Variants in POLM observed in about 807,000 individuals in gnomAD.
POLM encodes DNA polymerase mu, also known as DNA-directed DNA/RNA polymerase mu.
In POLM, 52 loss-of-function variants were observed where a neutral mutation model predicts 56.7. The ratio of observed to expected loss-of-function variants is 0.92; its 90% confidence interval spans 0.73 to 1.15. The LOEUF (loss-of-function observed/expected upper bound fraction) is 1.15. POLM is among the 50% of genes most tolerant of loss of function. The pLI, the probability that POLM is intolerant of heterozygous loss-of-function variation, is 0.00. For synonymous variants in POLM, 273 were observed against 274.3 expected, an observed-to-expected ratio of 1.00 and a Z score of 0.05; for missense variants, 660 against 663.6, an observed-to-expected ratio of 0.99 and a Z score of 0.06.
intron 1 of POLM, among the ~76,000 whole-genome samples, chr7:44,081,592 T>C (rs1364790025): frequency 1.3e-5 from 2 of 152,204 alleles, no homozygotes; most frequent in African/African-American, 4.8e-5. Flanking sequence ...CCATTTTTTC[T>C]TCTCTTGGTT....
chr7:44,080,797 C>T lies in POLM; in HGVS notation c.308G>A (p.Ser103Asn). The part of the protein sequence containing the change: ...GCTPPALLDI[S>N]WLTESLGAGQ... Reference sequence around the variant, plus strand: ...AGCTCCCAGGCTCTCTGTTAACCAGCTTATGTCCAGCAGAGCTGGGGGGGT... The same window carrying T: ...AGCTCCCAGGCTCTCTGTTAACCAGTTTATGTCCAGCAGAGCTGGGGGGGT... The change falls in exon 2 of 11, where the codon AGC becomes AAC. Residue 103 changes from serine to asparagine, a missense_variant. By Grantham distance (46) the Ser-to-Asn change is conservative. Transcript: ENST00000242248. 6.2e-7 allele frequency: 1 copy of T among 1,614,052 alleles called. No homozygotes were observed. The highest frequency in any genetic ancestry group is 8.5e-7 in the Non-Finnish European group (1 of 1,180,004).
At chr7:44,075,447 A>G (rs1167369365) in intron 6 of POLM, among the ~76,000 whole-genome samples, 2 of 152,160 alleles carry the variant, frequency 1.3e-5, no homozygotes, top group Non-Finnish European at 2.9e-5. Flanking sequence ...TGCCATGGGG[A>G]GAGGCGATCA....
At chr7:44,073,528 T>C in intron 10 of POLM, 97 bp downstream of exon 10, 1 of 1,598,220 alleles carries the variant, frequency 6.3e-7, no homozygotes. Context: ...TCGGGTCCTA[T>C]GGGTTTCAGG....
intron 5 of POLM, among the ~76,000 whole-genome samples, chr7:44,077,829 C>T (rs2096187915): frequency 1.3e-5 from 2 of 152,222 alleles, no homozygotes; most frequent in Admixed American, 6.5e-5. Context: ...CCCCATCCAC[C>T]CAGGAAGCCA....
chr7:44,072,788 C>A lies in POLM; in HGVS notation c.*503G>T. ...CCCTCTCCAGATGCCTACAGCACAC[C>A]AGACAGTAGGCTCCTTGCTGGCACG... On this transcript the variant is annotated 3_prime_UTR_variant, in exon 11 of 11. Transcript: ENST00000242248. The A allele has an allele frequency of 3.2e-6, 1 of 313,956 alleles. No homozygotes were observed. 19.4% of individuals were successfully genotyped at this position (313,956 alleles called of 1,614,324 possible). A position where few individuals can be genotyped will look rare whatever the true frequency, so the allele number is the denominator to read the frequency against.
Position 44,072,947 on chromosome 7 carries a change from G to A in POLM, c.*344C>T. The A allele has an allele frequency of 1.7e-6, 1 of 596,950 alleles. No homozygotes were observed. The highest frequency in any genetic ancestry group is 1.8e-5 in the African/African-American group (1 of 54,438). The allele number at this position is 596,950 out of a possible 1,614,324, so 37.0% of individuals were successfully genotyped here. On this transcript the variant is annotated 3_prime_UTR_variant, in exon 11 of 11. Coordinates refer to ENST00000242248, the MANE Select transcript of POLM (RefSeq NM_013284.4). The stretch of plus-strand genomic sequence containing the variant: ...AACTAATGAGACACTGCACATCAGG[G>A]ACCACTTGCCATTCATGACTGCAGG...
intron 6 of POLM, among the ~76,000 whole-genome samples, chr7:44,075,489 G>C (rs1049018464): frequency 1.3e-5 from 2 of 151,990 alleles, no homozygotes; most frequent in Admixed American, 1.3e-4. Flanking sequence ...CTCACCTCCT[G>C]TCAGCTGAAC....
intron 1 of POLM, 101 bp downstream of exon 1, chr7:44,082,150 G>A: frequency 3.0e-6 from 3 of 995,668 alleles, no homozygotes; most frequent in South Asian, 3.8e-5. Context: ...AGGAGATGGA[G>A]GCTCAGGGAA....
Position 44,073,642 on chromosome 7 carries a change from G to A in POLM, c.1381C>T (p.Leu461=), listed in dbSNP as rs1473698138. 5.0e-6 allele frequency: 8 copies of A among 1,614,010 alleles called. No individual in the cohort carries two copies. The highest frequency in any genetic ancestry group is 5.9e-6 in the Non-Finnish European group (7 of 1,180,000). The change falls in exon 10 of 11, where the codon CTG becomes TTG. Residue 461 remains leucine, a synonymous_variant. Transcript: ENST00000242248. ...CAATGTACCTGCTCCGGGTCAAACA[G>A]CCCATGGCTGTTCAGCCACAGGCCC... is the stretch of plus-strand genomic sequence containing the variant. ...EKGLWLNSHG[L]FDPEQKTFFQ...
intron 5 of POLM, 151 bp downstream of exon 5, chr7:44,078,589 T>A: frequency 1.5e-6 from 1 of 646,278 alleles, no homozygotes; most frequent in East Asian, 2.8e-5. Flanking sequence ...ATATCAGGTA[T>A]CAGCTTAGCT....
chr7:44,078,850 C>T (rs755615921), intron 4 of POLM, 39 bp from the exon 5 acceptor site: 16 of 1,569,402 alleles, frequency 1.0e-5, no homozygotes, highest in South Asian at 2.2e-5. Flanking sequence ...AGCCTGAGGG[C>T]GTGGGAAGAA....
In POLM at chr7:44,073,640, C is replaced by G. The variant is rs771721655; in HGVS notation, c.1383G>C (p.Leu461=). ...AACAATGTACCTGCTCCGGGTCAAA[C>G]AGCCCATGGCTGTTCAGCCACAGGC... The part of the protein sequence containing the change: ...EKGLWLNSHG[L]FDPEQKTFFQ... The change falls in exon 10 of 11, where the codon CTG becomes CTC. Residue 461 remains leucine, a synonymous_variant. Transcript: ENST00000242248. The G allele has an allele frequency of 1.2e-6, 2 of 1,614,172 alleles. No individual in the cohort carries two copies. Among genetic ancestry groups the G allele is most frequent in the East Asian group, 2.2e-5 (1 of 44,880 alleles).
Position 44,079,916 on chromosome 7 carries a change from G to A in POLM, c.416C>T (p.Pro139Leu). The change falls in exon 3 of 11, where the codon CCT (proline) becomes CTT (leucine). Residue 139 changes from proline to leucine, a missense_variant. Coordinates refer to ENST00000242248, the MANE Select transcript of POLM (RefSeq NM_013284.4). ...RKGPLSPAWMPAYACQRPTPL... is the reference protein window; with the variant it reads ...RKGPLSPAWMLAYACQRPTPL... ...CGTAGGGCGCTGGCAGGCATAGGCA[G>A]GCATCCATGCTGGGCTCAGAGGCCC... 6.2e-7 allele frequency: 1 copy of A among 1,614,052 alleles called. No individual in the cohort carries two copies. The highest frequency in any genetic ancestry group is 1.1e-5 in the South Asian group (1 of 91,082).
In POLM at chr7:44,074,416, A is replaced by G. The variant is rs2096177919; in HGVS notation, c.950T>C (p.Leu317Pro). Residue 317 changes from leucine to proline, a missense_variant, in exon 7 of 11, where the codon CTG becomes CCG. Leu to Pro is a moderately conservative substitution (Grantham distance 98). Coordinates refer to ENST00000242248, the MANE Select transcript of POLM (RefSeq NM_013284.4). Reference sequence around the variant, plus strand: ...TTCTTACCTGCGGAAGCCGCCGGTCAGCGTGACGGTGGCCCCAGGCAGGGC... The same window carrying G: ...TTCTTACCTGCGGAAGCCGCCGGTCGGCGTGACGGTGGCCCCAGGCAGGGC... Reference protein sequence around the residue: ...GQALPGATVTLTGGFRRGKLQ... With the variant: ...GQALPGATVTPTGGFRRGKLQ... 1.3e-6 allele frequency: 2 copies of G among 1,559,674 alleles called. No homozygotes were observed. The highest frequency in any genetic ancestry group is 1.7e-6 in the Non-Finnish European group (2 of 1,151,750).
chr7:44,074,314 G>A (rs2096177345), intron 7 of POLM, 81 bp from the exon 8 acceptor site: 2 of 1,541,314 alleles, frequency 1.3e-6, no homozygotes, highest in South Asian at 2.4e-5. Context: ...CAACGAGTGG[G>A]CCCGCTTCAG....
At chr7:44,077,871 G>A (rs911738066) in intron 5 of POLM, among the ~76,000 whole-genome samples, 4 of 152,166 alleles carry the variant, frequency 2.6e-5, no homozygotes, top group East Asian at 1.9e-4. Context: ...TGTGGCCACC[G>A]CTGTGACACC....
chr7:44,081,671 C>T (rs2096200258), intron 1 of POLM, among the ~76,000 whole-genome samples: 3 of 151,836 alleles, frequency 2.0e-5, no homozygotes, highest in African/African-American at 4.8e-5. Context: ...CTGCGGGCTC[C>T]GGGCCTCTTG....
chr7:44,080,687 T>C, intron 2 of POLM, 46 bp downstream of exon 2: 1 of 1,571,040 alleles, frequency 6.4e-7, no homozygotes, highest in Non-Finnish European at 8.7e-7. Flanking sequence ...TGGCCTACAC[T>C]GGGGCTTTCA....
chr7:44,081,370 C>G (rs1467788859), intron 1 of POLM, among the ~76,000 whole-genome samples: 1 of 152,214 alleles, frequency 6.6e-6, no homozygotes, highest in African/African-American at 2.4e-5. Context: ...CATATCCACC[C>G]TGTGGGGTTG....
Sources: allele counts gnomAD v4.1 joint callset (sites outside exome capture counted in the v4.1 genomes callset), GRCh38; gene constraint gnomAD v4.1.1; transcripts MANE v1.5; gene names NCBI Gene and HGNC (gene_info 2026-07-23, HGNC 2026-07-21).